The following PTPN2 variants were observed in gnomAD, a reference collection of about 807,000 sequenced individuals.
The protein encoded by PTPN2 is tyrosine-protein phosphatase non-receptor type 2.
In PTPN2, 19 loss-of-function variants were observed where a neutral mutation model predicts 57.3. The ratio of observed to expected loss-of-function variants is 0.33; its 90% CI spans 0.23 to 0.49. The LOEUF is 0.49. Among genes scored for constraint, PTPN2 ranks in the 20% least tolerant of loss-of-function variants. The pLI, the probability that PTPN2 is intolerant of heterozygous loss-of-function variation, is 0.99. For missense variants in PTPN2, 358 were observed against 501.1 expected, an observed-to-expected ratio of 0.71 and a Z score of 2.73; for synonymous variants, 153 against 164.9, an observed-to-expected ratio of 0.93 and a Z score of 0.55.
intron 1 of PTPN2, among the ~76,000 whole-genome samples, chr18:12,881,610 A>G (rs1336712472): frequency 1.3e-5 from 2 of 152,168 alleles, no homozygotes; most frequent in Admixed American, 1.3e-4. Flanking sequence ...GCATTCCCTC[A>G]GTGCCTTTGT....
In PTPN2 at chr18:12,792,983, T is replaced by C; in HGVS notation, c.*1295A>G. 1.0e-6 allele frequency: 1 copy of C among 984,522 alleles called. No individual in the cohort carries two copies. The highest frequency in any genetic ancestry group is 1.2e-6 in the Non-Finnish European group (1 of 829,074). The allele number at this position is 984,522 out of a possible 1,614,324, so 61.0% of individuals were successfully genotyped here. On this transcript the variant is annotated 3_prime_UTR_variant, in exon 9 of 9. Coordinates refer to ENST00000309660, the MANE Select transcript of PTPN2 (RefSeq NM_002828.4). Reference sequence around the variant, plus strand: ...ATATAAAGAGACAAGGCAGAGATGCTGTGGTTGAAAGTAACCTCTTGACCC... The same window carrying C: ...ATATAAAGAGACAAGGCAGAGATGCCGTGGTTGAAAGTAACCTCTTGACCC...
At chr18:12,831,334 A>C (rs1480004394) in intron 3 of PTPN2, among the ~76,000 whole-genome samples, 1 of 152,120 alleles carries the variant, frequency 6.6e-6, no homozygotes, top group Admixed American at 6.5e-5. Flanking sequence ...CTTGGGTAGG[A>C]ACCAAGGGTT....
chr18:12,854,295 G>C (rs7244152), intron 2 of PTPN2, among the ~76,000 whole-genome samples: 45,933 of 148,412 alleles, frequency 0.31, 7,552 homozygotes, highest in South Asian at 0.56. Flanking sequence ...GGGAGGCGGA[G>C]GTTGCAGTGA....
intron 7 of PTPN2, among the ~76,000 whole-genome samples, chr18:12,809,337 GACAA>G (rs2041812300): frequency 6.6e-6 from 1 of 152,210 alleles, no homozygotes; most frequent in African/African-American, 2.4e-5. Context: ...CATTCCTAGG[GACAA>G]AGGTAGAGGA....
chr18:12,806,893 G>T (rs140930201), intron 7 of PTPN2, among the ~76,000 whole-genome samples: 40 of 152,214 alleles, frequency 2.6e-4, no homozygotes, highest in African/African-American at 9.6e-4. Flanking sequence ...GGCAAGGGAA[G>T]GGTCTTTTGT....
chr18:12,823,652 G>C (rs1041553289), intron 5 of PTPN2, among the ~76,000 whole-genome samples: 1 of 152,140 alleles, frequency 6.6e-6, no homozygotes, highest in African/African-American at 2.4e-5. Context: ...TCCAGCCTGG[G>C]CAACAGAATG....
At position 12,884,216 on chromosome 18, in the gene PTPN2, G is replaced by A; in HGVS notation, c.-75C>T. The A allele has an allele frequency of 8.3e-7, 1 of 1,200,240 alleles. No individual in the cohort carries two copies. The highest frequency in any genetic ancestry group is 1.6e-5 in the South Asian group (1 of 60,726). 74.3% of individuals were successfully genotyped at this position (1,200,240 alleles called of 1,614,324 possible). On this transcript the variant is annotated 5_prime_UTR_variant, in exon 1 of 9. Coordinates refer to ENST00000309660, the MANE Select transcript of PTPN2 (RefSeq NM_002828.4). Reference sequence around the variant, plus strand: ...TCAGGCCCCGCACGATCCGGGGAGAGCGCTGGCGCTGCGGCGCATGCGCGC... The same window carrying A: ...TCAGGCCCCGCACGATCCGGGGAGAACGCTGGCGCTGCGGCGCATGCGCGC...
chr18:12,846,708 T>C lies in PTPN2; in HGVS notation c.161-9817A>G, dbSNP rs529061997. ...AAAATTTGGTATCAAAAGCTAAGCA[T>C]GCCCAATGGCTCATCAGCTATCGCT... is the stretch of plus-strand genomic sequence containing the variant. On this transcript the variant is annotated intron_variant, in intron 2 of 8. Coordinates refer to ENST00000309660, the MANE Select transcript of PTPN2 (RefSeq NM_002828.4). Among the ~76,000 whole-genome samples the C allele has an allele frequency of 2.6e-5, 4 of 152,370 alleles. No homozygotes were observed. The East Asian group carries it at 7.7e-4, about 29-fold the overall frequency.
At chr18:12,883,968 G>C (rs946910854) in intron 1 of PTPN2, 105 bp downstream of exon 1, 1 of 1,001,552 alleles carries the variant, frequency 1.0e-6, no homozygotes, top group Non-Finnish European at 1.4e-6. Flanking sequence ...CCCCGAGCGA[G>C]AGGCTAGAGG....
chr18:12,858,131 G>C (rs553136734), intron 2 of PTPN2, among the ~76,000 whole-genome samples: 1 of 152,196 alleles, frequency 6.6e-6, no homozygotes, highest in Non-Finnish European at 1.5e-5. Flanking sequence ...CTGTGTCCTT[G>C]AACAGTGAAA....
At chr18:12,835,021 CTG>C (rs1568128414) in intron 3 of PTPN2, among the ~76,000 whole-genome samples, 1 of 152,130 alleles carries the variant, frequency 6.6e-6, no homozygotes, top group Non-Finnish European at 1.5e-5. Context: ...AGTCAGCCCT[CTG>C]TATGCATGGA....
intron 2 of PTPN2, among the ~76,000 whole-genome samples, chr18:12,839,897 A>T (rs946201499): frequency 6.6e-6 from 1 of 152,140 alleles, no homozygotes; most frequent in African/African-American, 2.4e-5. Flanking sequence ...GGCTGTGCTG[A>T]CAATACAGAT....
chr18:12,883,222 A>G (rs767658554), intron 1 of PTPN2, among the ~76,000 whole-genome samples: 7 of 152,252 alleles, frequency 4.6e-5, no homozygotes, highest in African/African-American at 1.7e-4. Flanking sequence ...GGGAGCACAC[A>G]TGAAAGCTGC....
At chr18:12,870,670 G>A (rs900526555) in intron 1 of PTPN2, among the ~76,000 whole-genome samples, 18 of 150,086 alleles carry the variant, frequency 1.2e-4, no homozygotes, top group Admixed American at 6.7e-5. Context: ...AACCACGCCC[G>A]GCTACTTTTT....
At chr18:12,818,532 T>C (rs1403953771) in intron 5 of PTPN2, among the ~76,000 whole-genome samples, 4 of 152,202 alleles carry the variant, frequency 2.6e-5, no homozygotes, top group Non-Finnish European at 4.4e-5. Flanking sequence ...AAATGTTCCT[T>C]AGCTTTTTGC....
chr18:12,871,563 A>ACTT (rs138233999), intron 1 of PTPN2, among the ~76,000 whole-genome samples: 1 of 151,744 alleles, frequency 6.6e-6, no homozygotes, highest in African/African-American at 2.4e-5. Context: ...CCTTTATGGT[A>ACTT]TTTATGTCAA....
rs1470065268 is a variant in PTPN2 at position 12,851,231 on chromosome 18, G to A, written c.160+7933C>T. Among the ~76,000 whole-genome samples the A allele has an allele frequency of 2.3e-4, 2 of 8,656 alleles. 1 individual carries two copies. Among genetic ancestry groups the A allele is most frequent in the Non-Finnish European group, 1.2e-3 (2 of 1,738 alleles). The allele number at this position is 8,656 out of a possible 152,430, so 5.7% of individuals were successfully genotyped here. The stretch of plus-strand genomic sequence containing the variant: ...GCGGTGGCTCACGCCTGTAATCCCA[G>A]CACTTTGGGAGGCCGAGGCGGGTGG... On this transcript the variant is annotated intron_variant, in intron 2 of 8. Transcript: ENST00000309660.
At chr18:12,868,852 A>G (rs2044087435) in intron 1 of PTPN2, among the ~76,000 whole-genome samples, 1 of 151,616 alleles carries the variant, frequency 6.6e-6, no homozygotes, top group African/African-American at 2.4e-5. Context: ...TCATATTCTG[A>G]ATTTTAAAGT....
At chr18:12,847,640 G>A (rs1267320315) in intron 2 of PTPN2, among the ~76,000 whole-genome samples, 1 of 150,122 alleles carries the variant, frequency 6.7e-6, no homozygotes, top group Non-Finnish European at 1.5e-5. Flanking sequence ...TTTTTGAGAG[G>A]GAGTTTTTTT....
Sources: allele counts gnomAD v4.1 joint callset (sites outside exome capture counted in the v4.1 genomes callset), GRCh38; gene constraint gnomAD v4.1.1; transcripts MANE v1.5; gene names NCBI Gene and HGNC (gene_info 2026-07-23, HGNC 2026-07-21).